FGGY: variants seen among roughly 807,000 people sequenced by gnomAD.
The protein encoded by FGGY is FGGY carbohydrate kinase domain-containing protein.
Under a neutral mutation model 71.3 loss-of-function variants are expected in FGGY, and 72 were observed. That is an observed-to-expected ratio of 1.01 (90% CI 0.84 to 1.23). The LOEUF (loss-of-function observed/expected upper bound fraction) is 1.23, where lower values mean the gene tolerates loss of function less well. Among genes scored for constraint, FGGY ranks in the 50% most tolerant of loss-of-function variants. The pLI is 0.00. For synonymous variants in FGGY, 251 were observed against 250.3 expected (o/e 1.00, Z -0.02); for missense variants, 668 against 682.3 (o/e 0.98, Z 0.23).
At chr1:59,684,587 T>G (rs1234457200) in intron 14 of FGGY, among the ~76,000 whole-genome samples, 1 of 152,152 alleles carries the variant, frequency 6.6e-6, no homozygotes, top group Non-Finnish European at 1.5e-5. Context: ...TAAATATTAG[T>G]AATAACATCT....
chr1:59,443,059 T>G (rs1361101536), intron 5 of FGGY, among the ~76,000 whole-genome samples: 1 of 152,156 alleles, frequency 6.6e-6, no homozygotes, highest in African/African-American at 2.4e-5. Context: ...GAGTTGTCAG[T>G]GTCTCATAAA....
At chr1:59,330,493 C>T (rs1008968374) in intron 2 of FGGY, among the ~76,000 whole-genome samples, 1 of 150,926 alleles carries the variant, frequency 6.6e-6, no homozygotes, top group African/African-American at 2.4e-5. Context: ...CACTTGAACC[C>T]GGGAGGCGGA....
At chr1:59,753,853 G>T (rs748904664) in intron 14 of FGGY, among the ~76,000 whole-genome samples, 1 of 151,932 alleles carries the variant, frequency 6.6e-6, no homozygotes, top group African/African-American at 2.4e-5. Flanking sequence ...TCCCTGCTCT[G>T]GTTAAAAATC....
chr1:59,557,730 G>A (rs890241442), intron 8 of FGGY, among the ~76,000 whole-genome samples: 2 of 152,194 alleles, frequency 1.3e-5, no homozygotes, highest in Non-Finnish European at 2.9e-5. Flanking sequence ...AGGTTGAAAA[G>A]TCATGGGGTA....
At chr1:59,366,893 C>A (rs1250119984) in intron 4 of FGGY, among the ~76,000 whole-genome samples, 1 of 152,028 alleles carries the variant, frequency 6.6e-6, no homozygotes, top group Non-Finnish European at 1.5e-5. Context: ...AGTAGAGATA[C>A]CAGCTGTAAC....
intron 6 of FGGY, among the ~76,000 whole-genome samples, chr1:59,486,748 C>A (rs577744150): frequency 5.0e-4 from 76 of 152,234 alleles, no homozygotes; most frequent in African/African-American, 1.8e-3. Context: ...CACTTACTTG[C>A]TCTACTGTGT....
At position 59,400,577 on chromosome 1, in the gene FGGY, A is replaced by C. The variant is rs568384221; in HGVS notation, c.554+21740A>C. Among the ~76,000 whole-genome samples, 5 of 140,652 alleles carry C rather than the reference A, an allele frequency of 3.6e-5. No individual in the cohort carries two copies. In the South Asian group the frequency reaches 1.1e-3, roughly 32 times the overall value. 92.3% of individuals were successfully genotyped at this position (140,652 alleles called of 152,430 possible). ...TTTTTTGTATTCTGTATTTTTTGTTAAGTTTATATCAGGATGATTTGTCAT... is the reference window on the plus strand; with the variant it reads ...TTTTTTGTATTCTGTATTTTTTGTTCAGTTTATATCAGGATGATTTGTCAT... On this transcript the variant is annotated intron_variant, in intron 5 of 15. Transcript: ENST00000303721.
intron 8 of FGGY, among the ~76,000 whole-genome samples, chr1:59,572,955 G>A (rs1011000188): frequency 6.6e-6 from 1 of 152,158 alleles, no homozygotes; most frequent in African/African-American, 2.4e-5. Context: ...CTTATGAAAG[G>A]TCTTCTCAAG....
At chr1:59,646,174 A>G (rs905569778) in intron 11 of FGGY, among the ~76,000 whole-genome samples, 1 of 152,230 alleles carries the variant, frequency 6.6e-6, no homozygotes, top group Non-Finnish European at 1.5e-5. Flanking sequence ...CTTTTCCGAT[A>G]GGGAGATGGA....
chr1:59,600,527 G>A (rs769847587), intron 8 of FGGY, among the ~76,000 whole-genome samples: 25 of 152,138 alleles, frequency 1.6e-4, no homozygotes, highest in Non-Finnish European at 3.4e-4. Flanking sequence ...AGAGAAAGAA[G>A]AGCCTACCAA....
At position 59,410,308 on chromosome 1, in the gene FGGY, C is replaced by G. The variant is rs187106181; in HGVS notation, c.554+31471C>G. On this transcript the variant is annotated intron_variant, in intron 5 of 15. Transcript: ENST00000303721. ...GTGTGTACTAGGCACGGTACTTGGT[C>G]TTTACACATGTTCTTCTAGGTTAAC... is the stretch of plus-strand genomic sequence containing the variant. 2.0e-5 allele frequency among the ~76,000 whole-genome samples: 3 copies of G among 152,260 alleles called. No individual in the cohort carries two copies. In the East Asian group the frequency reaches 5.8e-4, roughly 29 times the overall value.
chr1:59,484,239 A>G (rs575109287), intron 6 of FGGY, among the ~76,000 whole-genome samples: 1 of 152,254 alleles, frequency 6.6e-6, no homozygotes, highest in Admixed American at 6.5e-5. Flanking sequence ...AGTCATTTCA[A>G]TCCCTGCATT....
intron 12 of FGGY, among the ~76,000 whole-genome samples, chr1:59,663,867 A>T (rs562321471): frequency 1.3e-5 from 2 of 152,204 alleles, no homozygotes; most frequent in Non-Finnish European, 2.9e-5. Flanking sequence ...AGCCCTGAAT[A>T]TTGCCGGAGC....
chr1:59,619,530 C>T (rs897953348), intron 9 of FGGY, among the ~76,000 whole-genome samples: 1 of 151,820 alleles, frequency 6.6e-6, no homozygotes, highest in African/African-American at 2.4e-5. Context: ...AAGAATATAC[C>T]AGGTCAAGGG....
At chr1:59,377,688 C>T (rs918258465) in intron 4 of FGGY, among the ~76,000 whole-genome samples, 6 of 151,962 alleles carry the variant, frequency 3.9e-5, no homozygotes, top group Admixed American at 3.3e-4. Flanking sequence ...TATGACTTAC[C>T]GGCTTTGATT....
chr1:59,349,156 G>T (rs2052734131), intron 4 of FGGY, among the ~76,000 whole-genome samples: 1 of 152,170 alleles, frequency 6.6e-6, no homozygotes, highest in Non-Finnish European at 1.5e-5. Flanking sequence ...AGGTGATAGA[G>T]CCAGAATTTA....
intron 7 of FGGY, among the ~76,000 whole-genome samples, chr1:59,526,100 A>C (rs2094970318): frequency 6.6e-6 from 1 of 152,084 alleles, no homozygotes; most frequent in African/African-American, 2.4e-5. Flanking sequence ...GTTTATGTGT[A>C]TGTGTGTATA....
At chr1:59,298,845 C>T (rs1354719683) in intron 1 of FGGY, among the ~76,000 whole-genome samples, 1 of 152,164 alleles carries the variant, frequency 6.6e-6, no homozygotes, top group Non-Finnish European at 1.5e-5. Context: ...TAGAATCAAC[C>T]CAGGTGGTGT....
intron 14 of FGGY, among the ~76,000 whole-genome samples, chr1:59,744,817 A>G (rs1471230559): frequency 6.6e-6 from 1 of 152,252 alleles, no homozygotes; most frequent in Non-Finnish European, 1.5e-5. Flanking sequence ...GAGAAAGTTA[A>G]TGGCTTCTAC....
Sources: gnomAD v4.1 joint callset for allele counts (sites outside exome capture counted in the v4.1 genomes callset) on GRCh38, gnomAD v4.1.1 for gene constraint, MANE v1.5 for transcripts, NCBI Gene and HGNC (gene_info 2026-07-23, HGNC 2026-07-21) for gene names.